The following SETDB1 variants were observed in gnomAD, a reference collection of about 807,000 sequenced individuals.
SETDB1 encodes histone-lysine N-methyltransferase SETDB1.
Under a neutral mutation model 137.4 loss-of-function variants are expected in SETDB1, and 31 were observed. That is an observed-to-expected ratio of 0.23 (90% CI 0.17 to 0.30). The LOEUF (loss-of-function observed/expected upper bound fraction) is 0.30. Ranked by LOEUF, SETDB1 falls within the 10% of genes least tolerant of loss-of-function variation. The pLI is 1.00. For missense variants in SETDB1, 1,113 were observed against 1,631.5 expected, an observed-to-expected ratio of 0.68 and a Z score of 5.47; for synonymous variants, 548 against 579.9, an observed-to-expected ratio of 0.95 and a Z score of 0.79.
At chr1:150,962,785 C>T (rs1480906834) in intron 18 of SETDB1, 66 bp downstream of exon 18, 2 of 1,552,528 alleles carry the variant, frequency 1.3e-6, no homozygotes, top group Non-Finnish European at 1.8e-6. Context: ...CTCATCAAGT[C>T]CTTCACTATA....
At chr1:150,929,427 G>A (rs1669652833) in intron 2 of SETDB1, among the ~76,000 whole-genome samples, 1 of 151,056 alleles carries the variant, frequency 6.6e-6, no homozygotes, top group South Asian at 2.1e-4. Flanking sequence ...CACCCAGGCT[G>A]GAGTACAGTG....
chr1:150,950,692 A>G lies in SETDB1; in HGVS notation c.1818A>G (p.Leu606=), dbSNP rs758639919. 6.8e-6 allele frequency: 11 copies of G among 1,614,088 alleles called. No homozygotes were observed. Among genetic ancestry groups the G allele is most frequent in the South Asian group, 6.6e-5 (6 of 91,092 alleles). Residue 606 remains leucine (L), a synonymous_variant, in exon 13 of 22, where the codon CTA becomes CTG. Coordinates refer to ENST00000692827, the MANE Select transcript of SETDB1 (RefSeq NM_001366418.1). ...RGKNPLLVPL[L]YDFRRMTARR... Reference sequence around the variant, plus strand: ...AGAACCCTCTGCTGGTCCCGTTACTATATGACTTCCGGCGGATGACAGCCC... The same window carrying G: ...AGAACCCTCTGCTGGTCCCGTTACTGTATGACTTCCGGCGGATGACAGCCC...
chr1:150,947,722 G>GC (rs1339215527), intron 10 of SETDB1, among the ~76,000 whole-genome samples: 2 of 152,136 alleles, frequency 1.3e-5, no homozygotes, highest in Non-Finnish European at 2.9e-5. Context: ...GTTGCAGTGA[G>GC]CTAGATCGTG....
intron 14 of SETDB1, among the ~76,000 whole-genome samples, chr1:150,956,827 A>G (rs1670656144): frequency 6.6e-6 from 1 of 152,076 alleles, no homozygotes; most frequent in Admixed American, 6.6e-5. Flanking sequence ...TAAAGTTAGA[A>G]AAAAAAGCTA....
At chr1:150,948,053 A>G (rs1670380125) in intron 10 of SETDB1, among the ~76,000 whole-genome samples, 1 of 151,626 alleles carries the variant, frequency 6.6e-6, no homozygotes, top group African/African-American at 2.4e-5. Context: ...GCAACATAGA[A>G]AGACTCTTAT....
At chr1:150,961,889 T>C (rs1670835164) in intron 16 of SETDB1, 1 of 608,056 alleles carries the variant, frequency 1.6e-6, no homozygotes, top group Non-Finnish European at 3.0e-6. Flanking sequence ...CCCTGGTTGA[T>C]GTAATCCTGC....
intron 10 of SETDB1, among the ~76,000 whole-genome samples, 180 bp from the exon 11 acceptor site, chr1:150,948,942 C>T (rs587713104): frequency 2.4e-4 from 36 of 152,226 alleles, no homozygotes; most frequent in Admixed American, 2.6e-4. Flanking sequence ...TGGTCTCAAA[C>T]TCATGACCTC....
Position 150,950,779 on chromosome 1 carries a change from C to T in SETDB1, c.1905C>T (p.Cys635=), listed in dbSNP as rs1423378536. The change falls in exon 13 of 22, where the codon TGC becomes TGT. Residue 635 remains cysteine, a synonymous_variant. Coordinates refer to ENST00000692827, the MANE Select transcript of SETDB1 (RefSeq NM_001366418.1). ...HVIYKTPCGL[C]LRTMQEIERY... Reference sequence around the variant, plus strand: ...TCTATAAGACACCTTGTGGTCTCTGCCTTCGGACAATGCAGGAGATAGAAC... The same window carrying T: ...TCTATAAGACACCTTGTGGTCTCTGTCTTCGGACAATGCAGGAGATAGAAC... 1 of 1,614,226 alleles carries T rather than the reference C, an allele frequency of 6.2e-7. No individual in the cohort carries two copies. Among genetic ancestry groups the T allele is most frequent in the Non-Finnish European group, 8.5e-7 (1 of 1,180,032 alleles).
intron 16 of SETDB1, 154 bp downstream of exon 16, chr1:150,961,345 GTGTT>G: frequency 1.2e-6 from 1 of 813,228 alleles, no homozygotes; most frequent in Non-Finnish European, 2.0e-6. Flanking sequence ...CACATTCCTA[GTGTT>G]TGTTTAAAGA....
At chr1:150,961,258 C>T (rs1303077004) in intron 16 of SETDB1, 67 bp downstream of exon 16, 15 of 1,475,096 alleles carry the variant, frequency 1.0e-5, no homozygotes, top group Non-Finnish European at 1.4e-5. Flanking sequence ...TGCAGTCTCA[C>T]CATGAGTCTT....
rs1252145708 is a variant in SETDB1, at chr1:150,962,687, A to G, written c.3262A>G (p.Arg1088Gly). ...PSKTSMHQSR[R>G]LMASAQSNPD... ...TAAGACTAGTATGCATCAAAGCCGA[A>G]GACTCATGGCTTCTGCTCAGTCCAA... Residue 1088 changes from arginine (R) to glycine (G), a missense_variant, in exon 18 of 22, where the codon AGA becomes GGA. Coordinates refer to ENST00000692827, the MANE Select transcript of SETDB1 (RefSeq NM_001366418.1). 1 of 1,614,200 alleles carries G rather than the reference A, an allele frequency of 6.2e-7. No homozygotes were observed. Among genetic ancestry groups the G allele is most frequent in the Non-Finnish European group, 8.5e-7 (1 of 1,180,018 alleles).
chr1:150,932,795 A>G (rs1669800543), intron 3 of SETDB1, among the ~76,000 whole-genome samples: 1 of 152,118 alleles, frequency 6.6e-6, no homozygotes, highest in Non-Finnish European at 1.5e-5. Flanking sequence ...ATAAGCTCTA[A>G]AGCTATTTAT....
intron 3 of SETDB1, chr1:150,930,531 T>C (rs1571621728): frequency 7.6e-6 from 1 of 130,928 alleles, no homozygotes; most frequent in East Asian, 2.2e-4. Context: ...TTTTTTTTTT[T>C]TTTTTTTTTT....
intron 2 of SETDB1, 77 bp from the exon 3 acceptor site, chr1:150,929,890 A>G (rs1669670765): frequency 1.7e-6 from 2 of 1,206,550 alleles, no homozygotes; most frequent in African/African-American, 1.5e-5. Context: ...ACTTAAATAT[A>G]TATACATCGT....
rs749790381 is a variant in SETDB1, at chr1:150,964,410, G to T, written c.*46G>T. The T allele has an allele frequency of 4.3e-6, 6 of 1,394,346 alleles. No individual in the cohort carries two copies. In the South Asian group the frequency reaches 5.9e-5, roughly 14 times the overall value. 86.4% of individuals were successfully genotyped at this position (1,394,346 alleles called of 1,614,324 possible). On this transcript the variant is annotated 3_prime_UTR_variant, in exon 22 of 22. Transcript: ENST00000692827. ...CCTTCTTGAACTGTCGTTTCCTCAGGAACTGGGTCTTCCTGATTGTTGAAC... is the reference window on the plus strand; with the variant it reads ...CCTTCTTGAACTGTCGTTTCCTCAGTAACTGGGTCTTCCTGATTGTTGAAC...
intron 3 of SETDB1, 150 bp from the exon 4 acceptor site, chr1:150,939,790 T>G (rs766601852): frequency 1.9e-5 from 11 of 573,430 alleles, no homozygotes; most frequent in Non-Finnish European, 3.4e-5. Context: ...TTGAGTACTT[T>G]ATATTTGTGT....
chr1:150,928,216 C>T, intron 2 of SETDB1: 1 of 492,494 alleles, frequency 2.0e-6, no homozygotes, highest in Non-Finnish European at 3.6e-6. Flanking sequence ...CGCCACCACA[C>T]CCAGCTAATT....
At chr1:150,952,282 T>G (rs1302340976) in intron 14 of SETDB1, among the ~76,000 whole-genome samples, 1 of 152,182 alleles carries the variant, frequency 6.6e-6, no homozygotes, top group Non-Finnish European at 1.5e-5. Flanking sequence ...ATGGCAAAAG[T>G]AGATTTTGGA....
At chr1:150,927,555 T>G (rs1310620284) in intron 1 of SETDB1, 149 bp from the exon 2 acceptor site, 1 of 671,026 alleles carries the variant, frequency 1.5e-6, no homozygotes, top group Non-Finnish European at 2.5e-6. Flanking sequence ...CAGCATCAGA[T>G]TCTGGAGAAT....
Sources: allele counts gnomAD v4.1 joint callset (sites outside exome capture counted in the v4.1 genomes callset), GRCh38; gene constraint gnomAD v4.1.1; transcripts MANE v1.5; gene names NCBI Gene and HGNC (gene_info 2026-07-23, HGNC 2026-07-21).